The following ADAMTSL1 variants were observed in gnomAD, a reference collection of about 807,000 sequenced individuals.
The protein encoded by ADAMTSL1 is ADAMTS-like protein 1.
In ADAMTSL1, 126 loss-of-function variants were observed where a neutral mutation model predicts 201.8. The observed-to-expected ratio is 0.62, with a 90% CI of 0.54 to 0.72. The LOEUF is 0.72. Among genes scored for constraint, ADAMTSL1 ranks in the 30% least tolerant of loss-of-function variants. The pLI is 0.00. For missense variants in ADAMTSL1, 2,679 were observed against 2,277.8 expected, an observed-to-expected ratio of 1.18 and a Z score of -3.59; for synonymous variants, 1,121 against 903.4, an observed-to-expected ratio of 1.24 and a Z score of -4.32.
At chr9:18,013,028 T>A (rs1820118879) in intron 1 of ADAMTSL1, among the ~76,000 whole-genome samples, 2 of 151,928 alleles carry the variant, frequency 1.3e-5, no homozygotes, top group Admixed American at 1.3e-4. Context: ...ACTTTTTAAT[T>A]TTTCCTTTTC....
intron 19 of ADAMTSL1, among the ~76,000 whole-genome samples, chr9:18,792,429 T>C (rs965851799): frequency 6.6e-6 from 1 of 152,186 alleles, no homozygotes; most frequent in African/African-American, 2.4e-5. Context: ...AGAAGAACTA[T>C]CTTCTAGCCT....
intron 14 of ADAMTSL1, among the ~76,000 whole-genome samples, chr9:18,707,997 A>G (rs1455577260): frequency 2.6e-5 from 4 of 152,246 alleles, no homozygotes; most frequent in African/African-American, 9.6e-5. Flanking sequence ...GAGAAATTTT[A>G]ATAGATGAGG....
chr9:18,529,676 T>G lies in ADAMTSL1; in HGVS notation c.192-3571T>G, dbSNP rs189227983. Among the ~76,000 whole-genome samples, 66 of 152,314 alleles carry G rather than the reference T, an allele frequency of 4.3e-4. 1 individual carries two copies. The highest frequency in any genetic ancestry group is 1.6e-3 in the African/African-American group (65 of 41,576). On this transcript the variant is annotated intron_variant, in intron 2 of 28. Transcript: ENST00000380548. ...TAATCCACAATTTAATAGTAGAGAC[T>G]AGTGTTTCTGTTATAGTTCACAATT...
rs554580576 is a variant in ADAMTSL1, at chr9:18,258,096, CTTAAAAA to C, written c.207+94117_207+94123del. 5.6e-3 allele frequency among the ~76,000 whole-genome samples: 845 copies of C among 152,170 alleles called. 5 individuals carry two copies. The highest frequency in any genetic ancestry group is 0.019 in the African/African-American group (807 of 41,522). On this transcript the variant is annotated intron_variant, in intron 2 of 29. Coordinates refer to the ADAMTSL1 transcript ENST00000680146. ...GTACGTAAAGCTGCTAAGTTGTACT[CTTAAAAA>C]TAGGTAAAATGGCAAATTTTATGTT...
chr9:18,078,254 C>A (rs893200256), intron 1 of ADAMTSL1, among the ~76,000 whole-genome samples: 4 of 152,078 alleles, frequency 2.6e-5, no homozygotes, highest in African/African-American at 9.7e-5. Context: ...CTTTTATAGT[C>A]GCGCAGTGGG....
At chr9:18,212,556 T>A (rs1159431890) in intron 2 of ADAMTSL1, among the ~76,000 whole-genome samples, 1 of 152,118 alleles carries the variant, frequency 6.6e-6, no homozygotes, top group African/African-American at 2.4e-5. Context: ...TGAAGTGTAG[T>A]TTTAAAAGTT....
chr9:18,697,491 G>A (rs1831629776), intron 13 of ADAMTSL1, among the ~76,000 whole-genome samples: 1 of 152,154 alleles, frequency 6.6e-6, no homozygotes. Flanking sequence ...TCGTTGAAAA[G>A]ACAACCAGTA....
chr9:18,897,362 A>C (rs1166474634), intron 26 of ADAMTSL1, among the ~76,000 whole-genome samples: 1 of 152,126 alleles, frequency 6.6e-6, no homozygotes, highest in Non-Finnish European at 1.5e-5. Flanking sequence ...TCTACCAAAA[A>C]AACAGCCAGA....
At chr9:18,021,268 T>C (rs938321021) in intron 1 of ADAMTSL1, among the ~76,000 whole-genome samples, 1 of 152,188 alleles carries the variant, frequency 6.6e-6, no homozygotes, top group Non-Finnish European at 1.5e-5. Context: ...ACAGCAAATC[T>C]TTATGTTAAC....
At chr9:18,011,982 G>A (rs1322358860) in intron 1 of ADAMTSL1, among the ~76,000 whole-genome samples, 1 of 152,082 alleles carries the variant, frequency 6.6e-6, no homozygotes, top group Admixed American at 6.6e-5. Flanking sequence ...TGTTTCCCCA[G>A]TGTTAGCATT....
chr9:18,465,761 G>GTTTT (rs1820979602), intron 2 of ADAMTSL1, among the ~76,000 whole-genome samples: 1 of 152,014 alleles, frequency 6.6e-6, no homozygotes, highest in Admixed American at 6.5e-5. Flanking sequence ...GTTTTGTTTT[G>GTTTT]TTTTTGAGAC....
intron 4 of ADAMTSL1, among the ~76,000 whole-genome samples, chr9:18,612,439 T>C (rs1464638917): frequency 6.6e-6 from 1 of 152,186 alleles, no homozygotes; most frequent in Non-Finnish European, 1.5e-5. Flanking sequence ...CATTCATTCA[T>C]TGAACACATA....
intron 15 of ADAMTSL1, among the ~76,000 whole-genome samples, chr9:18,724,675 T>G (rs755581070): frequency 1.1e-4 from 17 of 152,182 alleles, no homozygotes; most frequent in Non-Finnish European, 2.9e-5. Flanking sequence ...GTTTGACACA[T>G]AGTAGATGAT....
At chr9:17,964,525 T>C (rs1161139191) in intron 1 of ADAMTSL1, among the ~76,000 whole-genome samples, 8 of 151,840 alleles carry the variant, frequency 5.3e-5, no homozygotes, top group African/African-American at 1.9e-4. Flanking sequence ...TCGACAGTAG[T>C]GGCGAATACA....
intron 20 of ADAMTSL1, among the ~76,000 whole-genome samples, chr9:18,801,624 A>G (rs895778460): frequency 3.3e-5 from 5 of 152,200 alleles, no homozygotes; most frequent in African/African-American, 1.2e-4. Context: ...AAGTGAGCAC[A>G]TGCAGTACTT....
At chr9:18,368,293 A>G (rs1836874693) in intron 2 of ADAMTSL1, among the ~76,000 whole-genome samples, 1 of 152,146 alleles carries the variant, frequency 6.6e-6, no homozygotes, top group Admixed American at 6.5e-5. Flanking sequence ...TATTGCCACT[A>G]CACGACTTTC....
chr9:18,701,135 A>T (rs1029652175), intron 13 of ADAMTSL1, among the ~76,000 whole-genome samples: 10 of 151,912 alleles, frequency 6.6e-5, no homozygotes, highest in African/African-American at 2.2e-4. Flanking sequence ...TAATAGCTCA[A>T]AGTCAATGAA....
intron 2 of ADAMTSL1, among the ~76,000 whole-genome samples, chr9:18,377,672 C>T (rs1342074364): frequency 1.3e-5 from 2 of 152,118 alleles, no homozygotes; most frequent in African/African-American, 4.8e-5. Flanking sequence ...TGGGTTCAAG[C>T]AATTCTGCCT....
intron 4 of ADAMTSL1, among the ~76,000 whole-genome samples, chr9:18,620,015 A>ATTTTTTTTTT (rs35177614): frequency 9.9e-6 from 1 of 101,252 alleles, no homozygotes; most frequent in Non-Finnish European, 1.9e-5. Context: ...CAGTTTTCTG[A>ATTTTTTTTTT]TTTTTTTTTT....
Sources: gnomAD v4.1 joint callset for allele counts (sites outside exome capture counted in the v4.1 genomes callset) on GRCh38, gnomAD v4.1.1 for gene constraint, MANE v1.5 for transcripts, NCBI Gene and HGNC (gene_info 2026-07-23, HGNC 2026-07-21) for gene names.